DNAJC1: variants seen among roughly 807,000 people sequenced by gnomAD.
DNAJC1 encodes DnaJ heat shock protein family (Hsp40) member C1, also known as dnaJ homolog subfamily C member 1.
In DNAJC1, 58 loss-of-function variants were observed where a neutral mutation model predicts 76.6. The ratio of observed to expected loss-of-function variants is 0.76; its 90% confidence interval spans 0.61 to 0.94. The LOEUF (loss-of-function observed/expected upper bound fraction) is 0.94. Among genes scored for constraint, DNAJC1 ranks in the 40% least tolerant of loss-of-function variants. DNAJC1 has a pLI of 0.00. For synonymous variants in DNAJC1, 258 were observed against 267.9 expected (o/e 0.96, Z 0.36); for missense variants, 689 against 677.3 (o/e 1.02, Z -0.19).
At chr10:21,848,219 C>A (rs1027408040) in intron 8 of DNAJC1, among the ~76,000 whole-genome samples, 4 of 152,128 alleles carry the variant, frequency 2.6e-5, no homozygotes, top group Non-Finnish European at 5.9e-5. Flanking sequence ...TGATACTAAG[C>A]ATTTATTTTC....
At chr10:21,899,608 C>A (rs1224249902) in intron 7 of DNAJC1, among the ~76,000 whole-genome samples, 3 of 152,196 alleles carry the variant, frequency 2.0e-5, no homozygotes, top group Non-Finnish European at 4.4e-5. Context: ...TAAGCGGGAC[C>A]CCAATTCATT....
rs1471276136 is a variant in DNAJC1 at position 21,918,880 on chromosome 10, G to A, written c.636-8C>T. The A allele has an allele frequency of 6.2e-7, 1 of 1,605,668 alleles. No homozygotes were observed. Among genetic ancestry groups the A allele is most frequent in the East Asian group, 2.2e-5 (1 of 44,774 alleles). ...TGTGGTTTCATCAGCAATCTAAAGG[G>A]AGGGAGAAAAAAGAACACCATACAA... On this transcript the variant is annotated splice_region_variant and splice_polypyrimidine_tract_variant and intron_variant, in intron 5 of 11. Coordinates refer to ENST00000376980, the MANE Select transcript of DNAJC1 (RefSeq NM_022365.4).
Position 21,928,622 on chromosome 10 carries a change from C to T in DNAJC1, c.325-70G>A, listed in dbSNP as rs566265241. On this transcript the variant is annotated intron_variant, in intron 2 of 11. Transcript: ENST00000376980. ...AAGAAATCACATAGGAGGGTGAAGG[C>T]ACTACAATACACATGCAGAAAATCC... is the stretch of plus-strand genomic sequence containing the variant. 47 of 1,197,388 alleles carry T rather than the reference C, an allele frequency of 3.9e-5. No homozygotes were observed. In the African/African-American group the frequency reaches 6.5e-4, roughly 17 times the overall value. 74.2% of individuals were successfully genotyped at this position (1,197,388 alleles called of 1,614,324 possible).
At chr10:21,852,329 T>G (rs1835769870) in intron 8 of DNAJC1, among the ~76,000 whole-genome samples, 1 of 152,004 alleles carries the variant, frequency 6.6e-6, no homozygotes, top group South Asian at 2.1e-4. Flanking sequence ...AGGTGGGCAA[T>G]GAGAAGCAAT....
At chr10:21,851,273 T>C (rs540655747) in intron 8 of DNAJC1, among the ~76,000 whole-genome samples, 35 of 152,286 alleles carry the variant, frequency 2.3e-4, no homozygotes, top group African/African-American at 8.2e-4. Context: ...TGCAGAATTA[T>C]AACAAACTCA....
Position 22,003,513 on chromosome 10 carries a change from G to A in DNAJC1, c.-79C>T, listed in dbSNP as rs1232064661. 5 of 1,289,496 alleles carry A rather than the reference G, an allele frequency of 3.9e-6. No individual in the cohort carries two copies. The South Asian group carries it at 9.6e-5, about 25-fold the overall frequency. The allele number at this position is 1,289,496 out of a possible 1,614,324, so 79.9% of individuals were successfully genotyped here. A position where few individuals can be genotyped will look rare whatever the true frequency, so the allele number is the denominator to read the frequency against. ...GGACGTGGCGGGCGGCGCTGGCTGT[G>A]GGGAACAGCGCCTGTCAGTGAAAAG... On this transcript the variant is annotated 5_prime_UTR_variant, in exon 1 of 12. Transcript: ENST00000376980.
intron 9 of DNAJC1, among the ~76,000 whole-genome samples, chr10:21,782,835 T>A (rs186360561): frequency 1.3e-5 from 2 of 152,256 alleles, no homozygotes; most frequent in African/African-American, 4.8e-5. Flanking sequence ...GAAAGGCCTT[T>A]GACAAAATTC....
chr10:21,777,992 A>G (rs1834475218), intron 9 of DNAJC1, among the ~76,000 whole-genome samples: 1 of 152,236 alleles, frequency 6.6e-6, no homozygotes, highest in South Asian at 2.1e-4. Context: ...GTTCAAGACC[A>G]GCCTGGCCAA....
rs189047809 is a variant in DNAJC1 at position 21,764,318 on chromosome 10, T to C, written c.1147+1943A>G. Among the ~76,000 whole-genome samples the C allele has an allele frequency of 3.5e-3, 527 of 152,340 alleles. 5 individuals are homozygous for C. Among genetic ancestry groups the C allele is most frequent in the African/African-American group, 0.013 (520 of 41,584 alleles). On this transcript the variant is annotated intron_variant, in intron 10 of 11. Transcript: ENST00000376980. ...TGCACATATGTGCATCAGAAAAGTC[T>C]GAAGAAATATCTCTCTCAAAATAAC... is the stretch of plus-strand genomic sequence containing the variant.
At chr10:21,833,081 T>C (rs1308258042) in intron 8 of DNAJC1, among the ~76,000 whole-genome samples, 1 of 152,246 alleles carries the variant, frequency 6.6e-6, no homozygotes, top group Non-Finnish European at 1.5e-5. Flanking sequence ...TAAACTGCAA[T>C]AGTACTTTAA....
chr10:21,930,951 T>A (rs1466033196), intron 1 of DNAJC1, among the ~76,000 whole-genome samples: 1 of 152,332 alleles, frequency 6.6e-6, no homozygotes, highest in Non-Finnish European at 1.5e-5. Context: ...ATTACAAAAT[T>A]AATACATGTT....
intron 8 of DNAJC1, among the ~76,000 whole-genome samples, chr10:21,835,015 G>A (rs1207397554): frequency 1.3e-5 from 2 of 152,194 alleles, no homozygotes; most frequent in Admixed American, 1.3e-4. Context: ...ATCTGAGAAT[G>A]GGCAGACTGC....
intron 8 of DNAJC1, among the ~76,000 whole-genome samples, chr10:21,839,774 C>T (rs1355965838): frequency 1.3e-5 from 2 of 152,094 alleles, no homozygotes; most frequent in Non-Finnish European, 1.5e-5. Context: ...ATCCTGATAC[C>T]AAAGCCTGGC....
At chr10:21,864,395 G>A (rs914619396) in intron 8 of DNAJC1, among the ~76,000 whole-genome samples, 2 of 152,166 alleles carry the variant, frequency 1.3e-5, no homozygotes, top group African/African-American at 4.8e-5. Flanking sequence ...GCCAAGGCAG[G>A]TGGATCACGA....
intron 7 of DNAJC1, among the ~76,000 whole-genome samples, chr10:21,882,872 T>G (rs1293731611): frequency 6.6e-6 from 1 of 152,158 alleles, no homozygotes; most frequent in African/African-American, 2.4e-5. Context: ...CATTTATTTT[T>G]CAATATTTTA....
chr10:21,935,393 C>T (rs562786722), intron 1 of DNAJC1, among the ~76,000 whole-genome samples: 1 of 151,766 alleles, frequency 6.6e-6, no homozygotes. Flanking sequence ...GCAGAAGAAA[C>T]AATCAATGAA....
chr10:21,786,453 TATATATATATAGAGAGAGAGAG>T lies in DNAJC1; in HGVS notation c.1098+19505_1098+19526del, dbSNP rs1197566744. The stretch of plus-strand genomic sequence containing the variant: ...ATATATATATATATATATATATATA[TATATATATATAGAGAGAGAGAG>T]AGAGAGAGAGAGAGAGAGAGAGAGA... On this transcript the variant is annotated intron_variant, in intron 9 of 11. Transcript: ENST00000376980. Among the ~76,000 whole-genome samples, 5 of 76,366 alleles carry T rather than the reference TATATATATATAGAGAGAGAGAG, an allele frequency of 6.5e-5. No homozygotes were observed. In the East Asian group the frequency reaches 1.1e-3, roughly 16 times the overall value. 50.1% of individuals were successfully genotyped at this position (76,366 alleles called of 152,430 possible). A position where few individuals can be genotyped will look rare whatever the true frequency, so the allele number is the denominator to read the frequency against.
chr10:21,761,370 G>C (rs1179565684), intron 10 of DNAJC1, among the ~76,000 whole-genome samples: 1 of 152,024 alleles, frequency 6.6e-6, no homozygotes, highest in East Asian at 1.9e-4. Flanking sequence ...GACCAGCCTG[G>C]CCAACATGGT....
chr10:21,819,421 G>T (rs115818000), intron 8 of DNAJC1, among the ~76,000 whole-genome samples: 4,917 of 151,854 alleles, frequency 0.032, 126 homozygotes, highest in Middle Eastern at 0.065. Flanking sequence ...AAGTTTTGGA[G>T]GACATGCAGT....
Sources: gnomAD v4.1 joint callset for allele counts (sites outside exome capture counted in the v4.1 genomes callset) on GRCh38, gnomAD v4.1.1 for gene constraint, MANE v1.5 for transcripts, NCBI Gene and HGNC (gene_info 2026-07-23, HGNC 2026-07-21) for gene names.